Variants in TTC7B observed in about 807,000 individuals in gnomAD.
TTC7B encodes tetratricopeptide repeat protein 7B.
A neutral mutation model predicts 106.8 loss-of-function variants in TTC7B; 28 were observed. That is an observed-to-expected ratio of 0.26 (90% confidence interval 0.19 to 0.36). TTC7B has a LOEUF of 0.36. TTC7B is among the 10% of genes least tolerant of loss of function. The pLI is 1.00. For synonymous variants in TTC7B, 405 were observed against 430.6 expected (o/e 0.94, Z 0.74); for missense variants, 862 against 1,076.4 (o/e 0.80, Z 2.79).
intron 10 of TTC7B, 57 bp downstream of exon 10, chr14:90,658,247 A>G (rs556124684): frequency 2.1e-6 from 3 of 1,436,136 alleles, no homozygotes; most frequent in African/African-American, 1.4e-5. Flanking sequence ...ATGACATTCA[A>G]CTCTTTGGCC....
intron 19 of TTC7B, among the ~76,000 whole-genome samples, chr14:90,558,081 A>T (rs1245240204): frequency 1.3e-5 from 2 of 152,342 alleles, no homozygotes; most frequent in East Asian, 3.9e-4. Context: ...ATGAGTATGG[A>T]AGGGGTATTA....
intron 2 of TTC7B, among the ~76,000 whole-genome samples, chr14:90,783,801 G>C (rs535354321): frequency 6.6e-6 from 1 of 152,214 alleles, no homozygotes; most frequent in Admixed American, 6.5e-5. Flanking sequence ...GCCAGGTGTG[G>C]TGGCATGCGG....
intron 19 of TTC7B, among the ~76,000 whole-genome samples, chr14:90,562,523 C>T (rs1890634826): frequency 6.6e-6 from 1 of 152,192 alleles, no homozygotes; most frequent in Admixed American, 6.5e-5. Flanking sequence ...TGAAAAAGTT[C>T]CAACCTGCAG....
intron 17 of TTC7B, among the ~76,000 whole-genome samples, chr14:90,607,074 A>G (rs2139837279): frequency 6.6e-6 from 1 of 152,358 alleles, no homozygotes; most frequent in East Asian, 1.9e-4. Flanking sequence ...AGAGAGATCG[A>G]ATGAGAATGC....
chr14:90,573,833 C>T (rs1203814210), intron 19 of TTC7B, among the ~76,000 whole-genome samples: 1 of 152,232 alleles, frequency 6.6e-6, no homozygotes, highest in East Asian at 1.9e-4. Flanking sequence ...TGCTAATATT[C>T]TCCAGCACAC....
intron 4 of TTC7B, among the ~76,000 whole-genome samples, chr14:90,744,216 C>T (rs1889873841): frequency 6.6e-6 from 1 of 152,230 alleles, no homozygotes; most frequent in East Asian, 1.9e-4. Context: ...TGGCCAGCTT[C>T]AGGGTGCTGA....
At chr14:90,621,049 C>G (rs1312686357) in intron 15 of TTC7B, among the ~76,000 whole-genome samples, 1 of 152,206 alleles carries the variant, frequency 6.6e-6, no homozygotes, top group East Asian at 1.9e-4. Flanking sequence ...AAGAGGAAAG[C>G]CTGACAGCTG....
At chr14:90,588,530 C>T (rs778300049) in intron 18 of TTC7B, among the ~76,000 whole-genome samples, 1 of 152,120 alleles carries the variant, frequency 6.6e-6, no homozygotes, top group Non-Finnish European at 1.5e-5. Context: ...ATTTCCAATG[C>T]CAGCAGTAAG....
chr14:90,744,721 T>C, intron 4 of TTC7B, 71 bp downstream of exon 4: 1 of 1,515,416 alleles, frequency 6.6e-7, no homozygotes, highest in Non-Finnish European at 9.0e-7. Context: ...TTCCTAGAGA[T>C]TAATCTCAGT....
At chr14:90,812,230 C>A (rs1036420790) in intron 1 of TTC7B, among the ~76,000 whole-genome samples, 1 of 152,064 alleles carries the variant, frequency 6.6e-6, no homozygotes, top group Non-Finnish European at 1.5e-5. Flanking sequence ...CAGGTAAGGT[C>A]CAAATTTTAG....
chr14:90,544,041 G>A (rs1487961232), intron 19 of TTC7B, among the ~76,000 whole-genome samples: 1 of 152,242 alleles, frequency 6.6e-6, no homozygotes. Context: ...TGACAGCCAA[G>A]GAGACCCATG....
chr14:90,680,795 T>C (rs1887021555), intron 7 of TTC7B, among the ~76,000 whole-genome samples: 1 of 152,176 alleles, frequency 6.6e-6, no homozygotes, highest in Admixed American at 6.5e-5. Flanking sequence ...CATATGTACA[T>C]ATTACAGAGG....
At position 90,634,360 on chromosome 14, in the gene TTC7B, G is replaced by A. The variant is rs78413718; in HGVS notation, c.1751+9688C>T. 4.0e-3 allele frequency among the ~76,000 whole-genome samples: 606 copies of A among 152,208 alleles called. 4 individuals carry two copies. The highest frequency in any genetic ancestry group is 0.014 in the African/African-American group (586 of 41,504). ...GACAAGACACATGAAAATGGCAGAT[G>A]TGAATCCAGCCATAGCATTAATTAT... On this transcript the variant is annotated intron_variant, in intron 15 of 19. Coordinates refer to ENST00000328459, the MANE Select transcript of TTC7B (RefSeq NM_001010854.2).
Position 90,610,805 on chromosome 14 carries a change from TTCTA to T in TTC7B, c.1899_1902del (p.Asp633GlufsTer30). ...TTAAGCTGTCGTCTGTCAGCAATGG[TTCTA>T]TCTAAGAGGCTGCTCCCACGTCCAG... On this transcript the variant is annotated frameshift_variant, in exon 17 of 20. Transcript: ENST00000328459. LOFTEE classifies it high-confidence loss of function. 2.5e-6 allele frequency: 4 copies of T among 1,613,990 alleles called. No homozygotes were observed. Among genetic ancestry groups the T allele is most frequent in the Non-Finnish European group, 2.5e-6 (3 of 1,179,922 alleles).
intron 1 of TTC7B, among the ~76,000 whole-genome samples, chr14:90,800,606 T>C (rs562075075): frequency 6.7e-6 from 1 of 150,076 alleles, no homozygotes; most frequent in Non-Finnish European, 1.5e-5. Flanking sequence ...GGTCAGGAGA[T>C]CGAGACCATC....
intron 3 of TTC7B, among the ~76,000 whole-genome samples, chr14:90,751,532 A>T (rs1269377281): frequency 6.6e-6 from 1 of 152,102 alleles, no homozygotes; most frequent in Non-Finnish European, 1.5e-5. Flanking sequence ...AGTAGCTGGG[A>T]CTACAGGTGC....
intron 19 of TTC7B, among the ~76,000 whole-genome samples, chr14:90,551,765 G>A (rs753393016): frequency 3.3e-5 from 5 of 152,174 alleles, no homozygotes; most frequent in South Asian, 2.1e-4. Context: ...CTTTCCTCCC[G>A]GGCGGCCCTT....
intron 5 of TTC7B, among the ~76,000 whole-genome samples, chr14:90,696,413 G>A (rs747369033): frequency 1.3e-5 from 2 of 152,132 alleles, no homozygotes; most frequent in Non-Finnish European, 2.9e-5. Flanking sequence ...ACATAACTCG[G>A]CGATATTTAT....
At chr14:90,649,487 T>C (rs564741590) in intron 13 of TTC7B, among the ~76,000 whole-genome samples, 63 of 152,178 alleles carry the variant, frequency 4.1e-4, no homozygotes, top group Non-Finnish European at 8.4e-4. Flanking sequence ...ACATTAGTGA[T>C]CAGAAAAATT....
Sources: gnomAD v4.1 joint callset for allele counts (sites outside exome capture counted in the v4.1 genomes callset) on GRCh38, gnomAD v4.1.1 for gene constraint, MANE v1.5 for transcripts, NCBI Gene and HGNC (gene_info 2026-07-23, HGNC 2026-07-21) for gene names.